The following NSF variants were observed in gnomAD, a reference collection of about 807,000 sequenced individuals.
NSF encodes the protein N-ethylmaleimide sensitive factor, vesicle fusing ATPase, also known as vesicle-fusing ATPase.
Under a neutral mutation model 50.3 loss-of-function variants are expected in NSF, and 14 were observed. The observed-to-expected ratio is 0.28, with a 90% CI of 0.18 to 0.44. The LOEUF is 0.44. NSF is among the 20% of genes least tolerant of loss of function. The pLI is 1.00. For missense variants in NSF, 218 were observed against 504.3 expected (o/e 0.43, Z 5.44); for synonymous variants, 109 against 175.7 (o/e 0.62, Z 3.00).
rs2058834179 is a variant in NSF, at chr17:46,721,861, A to G, written c.1762-4688A>G. On this transcript the variant is annotated intron_variant, in intron 15 of 20. Coordinates refer to ENST00000398238, the MANE Select transcript of NSF (RefSeq NM_006178.4). Reference sequence around the variant, plus strand: ...TTGTACGGCTTTTTCGAGTTGGCTTAGGCAGAATTCTCCTCTGAGCGATAA... The same window carrying G: ...TTGTACGGCTTTTTCGAGTTGGCTTGGGCAGAATTCTCCTCTGAGCGATAA... 5 of 1,582,808 alleles carry G rather than the reference A, an allele frequency of 3.2e-6. No homozygotes were observed. In the South Asian group the frequency reaches 5.5e-5, roughly 18 times the overall value.
chr17:46,595,340 A>T (rs2057859761), intron 1 of NSF, among the ~76,000 whole-genome samples: 1 of 65,860 alleles, frequency 1.5e-5, no homozygotes, highest in South Asian at 7.2e-4. Context: ...TTGTTGCAAT[A>T]CTTTTATTTG....
rs2059243628 is a variant in NSF at position 46,757,346 on chromosome 17, TTAACTTATGTCTCTTG to T, written c.*1525_*1540del. 1 of 152,672 alleles carries T rather than the reference TTAACTTATGTCTCTTG, an allele frequency of 6.5e-6. No homozygotes were observed. 9.5% of individuals were successfully genotyped at this position (152,672 alleles called of 1,614,324 possible). ...CCTCATGAAAGCAGCACACATTGTGTTAACTTATGTCTCTTGTTAAATGAGCTTAATGTCTTTGTGT... is the reference window on the plus strand; with the variant it reads ...CCTCATGAAAGCAGCACACATTGTGTTTAAATGAGCTTAATGTCTTTGTGT... On this transcript the variant is annotated 3_prime_UTR_variant, in exon 21 of 21. Transcript: ENST00000398238.
At chr17:46,592,654 AC>A (rs973038280) in intron 1 of NSF, among the ~76,000 whole-genome samples, 1 of 18,634 alleles carries the variant, frequency 5.4e-5, no homozygotes, top group Non-Finnish European at 1.2e-4. Flanking sequence ...TCTAACATAA[AC>A]CTATATTATA....
Position 46,750,293 on chromosome 17 carries a change from C to T in NSF, c.2043+386C>T, listed in dbSNP as rs768468403. 3.3e-5 allele frequency among the ~76,000 whole-genome samples: 5 copies of T among 152,306 alleles called. 1 individual carries two copies. Among genetic ancestry groups the T allele is most frequent in the Middle Eastern group, 6.8e-3 (2 of 294 alleles). Reference sequence around the variant, plus strand: ...TCTTGAACCCAGGAGGCGGAGGTTGCAGTGAGCCAAGATTGTGCCACTGCA... The same window carrying T: ...TCTTGAACCCAGGAGGCGGAGGTTGTAGTGAGCCAAGATTGTGCCACTGCA... On this transcript the variant is annotated intron_variant, in intron 18 of 20. Coordinates refer to ENST00000398238, the MANE Select transcript of NSF (RefSeq NM_006178.4).
At chr17:46,755,510 C>T in intron 20 of NSF, 141 bp downstream of exon 20, 1 of 790,192 alleles carries the variant, frequency 1.3e-6, no homozygotes, top group Non-Finnish European at 2.1e-6. Context: ...TCCGAGAGAC[C>T]AAGCAAGGAA....
chr17:46,725,170 G>C (rs1048307414), intron 15 of NSF, among the ~76,000 whole-genome samples: 3 of 152,140 alleles, frequency 2.0e-5, no homozygotes, highest in African/African-American at 7.2e-5. Flanking sequence ...GAGAAGACAA[G>C]TGATTTATGG....
At chr17:46,739,627 CCCCTTCCT>C (rs1011080309) in intron 17 of NSF, among the ~76,000 whole-genome samples, 2 of 151,904 alleles carry the variant, frequency 1.3e-5, no homozygotes, top group Non-Finnish European at 2.9e-5. Flanking sequence ...CTCCTGTGGG[CCCCTTCCT>C]CTACTAAAAA....
intron 13 of NSF, among the ~76,000 whole-genome samples, chr17:46,706,522 G>T (rs1172975315): frequency 1.2e-5 from 1 of 80,088 alleles, no homozygotes; most frequent in Non-Finnish European, 2.4e-5. Context: ...ACAAAGGTTG[G>T]GGACTGCTGA....
intron 8 of NSF, among the ~76,000 whole-genome samples, chr17:46,666,193 C>G (rs1456932933): frequency 7.8e-6 from 1 of 128,996 alleles, no homozygotes; most frequent in African/African-American, 2.9e-5. Context: ...AGGTCAAGGG[C>G]TGTACACATG....
chr17:46,708,489 T>C lies in NSF; in HGVS notation c.1471-2474T>C, dbSNP rs549813011. Among the ~76,000 whole-genome samples the C allele has an allele frequency of 1.1e-4, 16 of 147,118 alleles. No homozygotes were observed. The East Asian group carries it at 3.0e-3, about 27-fold the overall frequency. ...ATGCTTATCAACCATTTGTTACATA[T>C]CCTTTTTTTTTTTTTTTTTTTTGAG... On this transcript the variant is annotated intron_variant, in intron 13 of 20. Coordinates refer to ENST00000398238, the MANE Select transcript of NSF (RefSeq NM_006178.4).
intron 15 of NSF, 67 bp from the exon 16 acceptor site, chr17:46,726,482 A>G (rs2058890875): frequency 6.9e-7 from 1 of 1,439,936 alleles, no homozygotes; most frequent in African/African-American, 1.4e-5. Flanking sequence ...AGAAGTAACT[A>G]AACTTCTTGG....
chr17:46,631,076 A>G (rs1317925272), intron 4 of NSF, among the ~76,000 whole-genome samples: 2 of 144,610 alleles, frequency 1.4e-5, no homozygotes, highest in East Asian at 3.9e-4. Flanking sequence ...ACACACACAC[A>G]CACACACACA....
At chr17:46,626,085 G>A (rs2058096405) in intron 2 of NSF, among the ~76,000 whole-genome samples, 1 of 141,306 alleles carries the variant, frequency 7.1e-6, no homozygotes, top group African/African-American at 2.8e-5. Flanking sequence ...CATGAAAGCT[G>A]ATGTATTTTA....
intron 9 of NSF, among the ~76,000 whole-genome samples, chr17:46,688,280 G>A (rs986736807): frequency 6.6e-6 from 1 of 151,084 alleles, no homozygotes; most frequent in African/African-American, 2.5e-5. Context: ...GGAAGCCAAG[G>A]TGGGAGGATC....
At chr17:46,721,110 G>C (rs562170851) in intron 15 of NSF, among the ~76,000 whole-genome samples, 5 of 152,262 alleles carry the variant, frequency 3.3e-5, no homozygotes, top group African/African-American at 1.2e-4. Context: ...GCAGAGCCCC[G>C]CTTCTCCTGT....
intron 17 of NSF, among the ~76,000 whole-genome samples, chr17:46,736,040 T>A (rs1454155484): frequency 6.6e-6 from 1 of 152,082 alleles, no homozygotes; most frequent in African/African-American, 2.4e-5. Context: ...ATAGAGGAAG[T>A]TTCCATAGGA....
At chr17:46,711,732 C>T (rs1473807196) in intron 14 of NSF, among the ~76,000 whole-genome samples, 1 of 152,016 alleles carries the variant, frequency 6.6e-6, no homozygotes. Context: ...TCAGTGAGGC[C>T]CCATGACAAG....
chr17:46,717,692 A>T (rs149160364), intron 15 of NSF, among the ~76,000 whole-genome samples: 2,029 of 152,316 alleles, frequency 0.013, 48 homozygotes, highest in African/African-American at 0.046. Flanking sequence ...AGCCTGGGCG[A>T]CAGAGCAAGA....
chr17:46,754,430 G>A (rs746533508), intron 19 of NSF, among the ~76,000 whole-genome samples: 2 of 152,070 alleles, frequency 1.3e-5, no homozygotes, highest in Admixed American at 6.5e-5. Flanking sequence ...AGTTATTCCT[G>A]GAGGGCAGGG....
Sources: allele counts gnomAD v4.1 joint callset (sites outside exome capture counted in the v4.1 genomes callset), GRCh38; gene constraint gnomAD v4.1.1; transcripts MANE v1.5; gene names NCBI Gene and HGNC (gene_info 2026-07-23, HGNC 2026-07-21).